TBL1XR1: variants seen among roughly 807,000 people sequenced by gnomAD.
TBL1XR1 encodes TBL1X/Y related 1.
In TBL1XR1, 5 loss-of-function variants were observed where a neutral mutation model predicts 66.9. That is an observed-to-expected ratio of 0.07 (90% CI 0.04 to 0.16). TBL1XR1 has a LOEUF of 0.16. Among genes scored for constraint, TBL1XR1 ranks in the 10% least tolerant of loss-of-function variants. The pLI is 1.00. For missense variants in TBL1XR1, 238 were observed against 623.2 expected, an observed-to-expected ratio of 0.38 and a Z score of 6.58; for synonymous variants, 210 against 206.0, an observed-to-expected ratio of 1.02 and a Z score of -0.17.
chr3:177,114,433 C>T (rs1482201929), intron 1 of TBL1XR1, among the ~76,000 whole-genome samples: 1 of 151,964 alleles, frequency 6.6e-6, no homozygotes, highest in East Asian at 1.9e-4. Context: ...CCTCTTGACT[C>T]AGCCTCCCAA....
chr3:177,061,488 T>G (rs1184344634), intron 3 of TBL1XR1, among the ~76,000 whole-genome samples: 2 of 152,172 alleles, frequency 1.3e-5, no homozygotes. Context: ...TTTCATAATG[T>G]GTTTTTGGAC....
chr3:177,192,511 T>C (rs946526155), intron 1 of TBL1XR1, among the ~76,000 whole-genome samples: 3 of 139,974 alleles, frequency 2.1e-5, no homozygotes, highest in Non-Finnish European at 4.7e-5. Flanking sequence ...GCAAAAAAGA[T>C]CCACCACCGT....
chr3:177,138,551 A>G (rs1272210492), intron 1 of TBL1XR1, among the ~76,000 whole-genome samples: 1 of 151,894 alleles, frequency 6.6e-6, no homozygotes, highest in African/African-American at 2.4e-5. Context: ...TGATCACATC[A>G]CTGTACTCCC....
At chr3:177,142,958 A>C (rs1729798140) in intron 1 of TBL1XR1, among the ~76,000 whole-genome samples, 1 of 152,094 alleles carries the variant, frequency 6.6e-6, no homozygotes, top group African/African-American at 2.4e-5. Context: ...ATCATATGGC[A>C]AACAAATGTC....
At chr3:177,046,488 C>T (rs1261128406) in intron 9 of TBL1XR1, among the ~76,000 whole-genome samples, 3 of 152,092 alleles carry the variant, frequency 2.0e-5, no homozygotes, top group Non-Finnish European at 4.4e-5. Context: ...TGTAATAGTA[C>T]ATTTAATGTA....
intron 1 of TBL1XR1, among the ~76,000 whole-genome samples, chr3:177,134,965 G>GTGTGTGTGTGTGTA (rs577971187): frequency 7.2e-6 from 1 of 138,996 alleles, no homozygotes; most frequent in African/African-American, 2.7e-5. Flanking sequence ...GTGTGTGTGT[G>GTGTGTGTGTGTGTA]TCTGTGTGTG....
intron 1 of TBL1XR1, among the ~76,000 whole-genome samples, chr3:177,157,987 T>C (rs981880541): frequency 8.6e-5 from 13 of 150,312 alleles, no homozygotes; most frequent in African/African-American, 3.3e-4. Flanking sequence ...GTTAAGTGTT[T>C]TATTTTAGTT....
At chr3:177,158,454 C>A (rs1577341400) in intron 1 of TBL1XR1, among the ~76,000 whole-genome samples, 1 of 152,048 alleles carries the variant, frequency 6.6e-6, no homozygotes, top group East Asian at 1.9e-4. Flanking sequence ...GTCTCGAACT[C>A]CTGACCTCAT....
intron 1 of TBL1XR1, among the ~76,000 whole-genome samples, chr3:177,108,643 G>A (rs911443451): frequency 2.6e-5 from 4 of 152,052 alleles, no homozygotes; most frequent in African/African-American, 9.7e-5. Context: ...TAGTTTAAAA[G>A]GGAGCAAAAA....
At chr3:177,117,454 T>C (rs1253362923) in intron 1 of TBL1XR1, among the ~76,000 whole-genome samples, 3 of 152,204 alleles carry the variant, frequency 2.0e-5, no homozygotes, top group Admixed American at 6.5e-5. Flanking sequence ...GATTGCTGAA[T>C]TATCTGCACA....
chr3:177,134,026 G>A lies in TBL1XR1; in HGVS notation c.-121-35485C>T, dbSNP rs140234367. On this transcript the variant is annotated intron_variant, in intron 1 of 15. Transcript: ENST00000457928. The stretch of plus-strand genomic sequence containing the variant: ...CAATCACAGTGCCCTTTTCTTCCCC[G>A]GGCAAAGGACTGGAACATAACTCCA... 2.0e-3 allele frequency among the ~76,000 whole-genome samples: 308 copies of A among 151,710 alleles called. 2 individuals are homozygous for A. The highest frequency in any genetic ancestry group is 7.1e-3 in the African/African-American group (293 of 41,374).
chr3:177,192,337 C>A (rs1011891313), intron 1 of TBL1XR1, among the ~76,000 whole-genome samples: 5 of 150,770 alleles, frequency 3.3e-5, no homozygotes, highest in Non-Finnish European at 7.4e-5. Flanking sequence ...AAGAGGAGAT[C>A]GCGCCATTGC....
At chr3:177,089,079 C>T (rs1015625072) in intron 2 of TBL1XR1, among the ~76,000 whole-genome samples, 3 of 152,182 alleles carry the variant, frequency 2.0e-5, no homozygotes, top group African/African-American at 7.2e-5. Context: ...TTCAGTCTGG[C>T]AAGTCATAAC....
At chr3:177,025,606 G>A in intron 15 of TBL1XR1, 82 bp from the exon 16 acceptor site, 1 of 1,342,640 alleles carries the variant, frequency 7.4e-7, no homozygotes, top group Non-Finnish European at 1.0e-6. Flanking sequence ...AGTACAATTT[G>A]AAATGTTTCT....
At chr3:177,114,282 T>A (rs1013357238) in intron 1 of TBL1XR1, among the ~76,000 whole-genome samples, 1 of 150,758 alleles carries the variant, frequency 6.6e-6, no homozygotes, top group African/African-American at 2.5e-5. Flanking sequence ...TATACACACA[T>A]CATATATATG....
intron 7 of TBL1XR1, chr3:177,047,880 G>C (rs1221198589): frequency 4.0e-6 from 1 of 249,680 alleles, no homozygotes; most frequent in Non-Finnish European, 7.7e-6. Context: ...TGGTGGACTG[G>C]GAAGAACATC....
chr3:177,074,883 CAT>C (rs903473638), intron 2 of TBL1XR1, among the ~76,000 whole-genome samples: 16 of 152,106 alleles, frequency 1.1e-4, no homozygotes, highest in Non-Finnish European at 1.9e-4. Context: ...ATTTCTGAAA[CAT>C]GTGAAGGTGA....
chr3:177,169,757 A>G (rs1200600016), intron 1 of TBL1XR1, among the ~76,000 whole-genome samples: 1 of 152,226 alleles, frequency 6.6e-6, no homozygotes, highest in Non-Finnish European at 1.5e-5. Flanking sequence ...AAAGATGTAA[A>G]TGAGATGAAG....
At position 177,139,403 on chromosome 3, in the gene TBL1XR1, C is replaced by T. The variant is rs576566584; in HGVS notation, c.-121-40862G>A. 6.6e-5 allele frequency among the ~76,000 whole-genome samples: 10 copies of T among 152,138 alleles called. No homozygotes were observed. In the East Asian group the frequency reaches 1.9e-3, roughly 29 times the overall value. ...TACAAAAATTAGCTGAGAGTGCTGG[C>T]GCGCGCCTGTAGCTGCAGCTACTTG... On this transcript the variant is annotated intron_variant, in intron 1 of 15. Coordinates refer to ENST00000457928, the MANE Select transcript of TBL1XR1 (RefSeq NM_024665.7).
Sources: allele counts gnomAD v4.1 joint callset (sites outside exome capture counted in the v4.1 genomes callset), GRCh38; gene constraint gnomAD v4.1.1; transcripts MANE v1.5; gene names NCBI Gene and HGNC (gene_info 2026-07-23, HGNC 2026-07-21).